Variants in CHRM3 observed in about 807,000 individuals in gnomAD.
CHRM3 encodes muscarinic acetylcholine receptor M3.
In CHRM3, 11 loss-of-function variants were observed where a neutral mutation model predicts 41.8. The ratio of observed to expected loss-of-function variants is 0.26; its 90% CI spans 0.17 to 0.44. The LOEUF (loss-of-function observed/expected upper bound fraction) is 0.44. Ranked by LOEUF, CHRM3 falls within the 20% of genes least tolerant of loss-of-function variation. The pLI is 1.00. For missense variants in CHRM3, 571 were observed against 745.4 expected (o/e 0.77, Z 2.72); for synonymous variants, 297 against 301.4 (o/e 0.99, Z 0.15).
At chr1:239,633,657 A>C (rs924255727) in intron 4 of CHRM3, among the ~76,000 whole-genome samples, 2 of 152,040 alleles carry the variant, frequency 1.3e-5, no homozygotes, top group Non-Finnish European at 2.9e-5. Flanking sequence ...TCAAGAGGAG[A>C]TTCCTCTTAG....
intron 5 of CHRM3, among the ~76,000 whole-genome samples, chr1:239,708,568 C>T (rs1215181233): frequency 6.6e-6 from 1 of 152,026 alleles, no homozygotes; most frequent in Non-Finnish European, 1.5e-5. Context: ...AACCCCGCAT[C>T]TCCTTTATTT....
At chr1:239,515,813 C>A (rs1056849476) in intron 2 of CHRM3, among the ~76,000 whole-genome samples, 1 of 152,078 alleles carries the variant, frequency 6.6e-6, no homozygotes, top group African/African-American at 2.4e-5. Flanking sequence ...AAATAAACTA[C>A]CCTTAGTTAA....
At chr1:239,438,309 T>TAC (rs562039050) in intron 1 of CHRM3, among the ~76,000 whole-genome samples, 2 of 152,096 alleles carry the variant, frequency 1.3e-5, no homozygotes, top group African/African-American at 4.8e-5. Flanking sequence ...TTTTTTTTCA[T>TAC]ACACACACAC....
chr1:239,828,088 A>T (rs1672599720), intron 6 of CHRM3, among the ~76,000 whole-genome samples: 1 of 152,214 alleles, frequency 6.6e-6, no homozygotes, highest in East Asian at 1.9e-4. Flanking sequence ...AAACACAGCT[A>T]CTGCTCCCTT....
intron 6 of CHRM3, among the ~76,000 whole-genome samples, chr1:239,851,349 T>G (rs1012877229): frequency 6.6e-6 from 1 of 152,236 alleles, no homozygotes; most frequent in Non-Finnish European, 1.5e-5. Flanking sequence ...TTTCTTTTTA[T>G]TCAGGGAGAA....
intron 1 of CHRM3, among the ~76,000 whole-genome samples, chr1:239,435,024 T>C (rs1346939965): frequency 6.6e-6 from 1 of 152,206 alleles, no homozygotes; most frequent in Non-Finnish European, 1.5e-5. Flanking sequence ...GATTTCAGTA[T>C]TGTTCCCAGT....
At position 239,832,291 on chromosome 1, in the gene CHRM3, CCA is replaced by C. The variant is rs1182348245; in HGVS notation, c.-20+4916_-20+4917del. Among the ~76,000 whole-genome samples the C allele has an allele frequency of 4.6e-5, 7 of 152,258 alleles. No homozygotes were observed. The East Asian group carries it at 1.2e-3, about 25-fold the overall frequency. ...TCAAGCTGAGAAAAAAAAACAACTG[CCA>C]CAGTGTGCAGAAAGCAAACTGGAGT... On this transcript the variant is annotated intron_variant, in intron 6 of 6. Coordinates refer to ENST00000676153, the MANE Select transcript of CHRM3 (RefSeq NM_001375978.1).
chr1:239,647,493 TTTC>T (rs1299996279), intron 4 of CHRM3, among the ~76,000 whole-genome samples: 1 of 152,200 alleles, frequency 6.6e-6, no homozygotes, highest in East Asian at 1.9e-4. Context: ...TTGTTTTGCT[TTTC>T]TTCTTTTATC....
At chr1:239,768,503 G>GCAGGGC (rs56930927) in intron 5 of CHRM3, among the ~76,000 whole-genome samples, 113,657 of 152,012 alleles carry the variant, frequency 0.75, 42,973 homozygotes, top group African/African-American at 0.81. Flanking sequence ...TAAACATGGT[G>GCAGGGC]AAAATTAAAT....
At chr1:239,473,803 C>G (rs992515748) in intron 1 of CHRM3, among the ~76,000 whole-genome samples, 2 of 151,732 alleles carry the variant, frequency 1.3e-5, no homozygotes, top group Non-Finnish European at 2.9e-5. Context: ...TATACCAGTT[C>G]TGCACTGTTA....
At chr1:239,497,522 T>C (rs1667963140) in intron 2 of CHRM3, among the ~76,000 whole-genome samples, 1 of 152,210 alleles carries the variant, frequency 6.6e-6, no homozygotes, top group Non-Finnish European at 1.5e-5. Flanking sequence ...GATCATACTA[T>C]CTGTTCCAAG....
chr1:239,730,676 C>A (rs188765186), intron 5 of CHRM3, among the ~76,000 whole-genome samples: 1 of 152,042 alleles, frequency 6.6e-6, no homozygotes, highest in Non-Finnish European at 1.5e-5. Flanking sequence ...GAACCATGGA[C>A]GCTGAGTCTG....
intron 1 of CHRM3, among the ~76,000 whole-genome samples, chr1:239,460,542 A>T (rs1157870056): frequency 6.6e-6 from 1 of 151,876 alleles, no homozygotes; most frequent in Non-Finnish European, 1.5e-5. Flanking sequence ...TATATTATTC[A>T]TCCTTGTATC....
At chr1:239,814,903 G>A (rs1448300964) in intron 5 of CHRM3, among the ~76,000 whole-genome samples, 2 of 152,014 alleles carry the variant, frequency 1.3e-5, no homozygotes, top group Admixed American at 6.6e-5. Context: ...GCCCAGACAC[G>A]TAGCTGGGAT....
chr1:239,666,637 C>A (rs1298474156), intron 4 of CHRM3, among the ~76,000 whole-genome samples: 1 of 152,128 alleles, frequency 6.6e-6, no homozygotes, highest in Non-Finnish European at 1.5e-5. Context: ...TGAGTCTGAG[C>A]TCTCTGCCCC....
At chr1:239,669,139 ACC>A (rs1674109603) in intron 4 of CHRM3, among the ~76,000 whole-genome samples, 1 of 152,100 alleles carries the variant, frequency 6.6e-6, no homozygotes, top group African/African-American at 2.4e-5. Flanking sequence ...CTGGACACAA[ACC>A]CTACTCACAT....
chr1:239,725,247 A>G (rs1337186823), intron 5 of CHRM3, among the ~76,000 whole-genome samples: 1 of 151,932 alleles, frequency 6.6e-6, no homozygotes, highest in East Asian at 1.9e-4. Flanking sequence ...TTCTACCATT[A>G]GAAGGGTTAA....
intron 6 of CHRM3, among the ~76,000 whole-genome samples, chr1:239,888,938 C>T (rs1052229728): frequency 1.5e-4 from 23 of 152,168 alleles, no homozygotes; most frequent in Admixed American, 1.0e-3. Context: ...CAACCAAGTA[C>T]GTTGTCATCT....
At chr1:239,393,450 T>C (rs1454586001) in intron 1 of CHRM3, among the ~76,000 whole-genome samples, 1 of 152,190 alleles carries the variant, frequency 6.6e-6, no homozygotes, top group African/African-American at 2.4e-5. Context: ...CCGTGTTTCC[T>C]GTGCTTTCTC....
Sources: allele counts gnomAD v4.1 joint callset (sites outside exome capture counted in the v4.1 genomes callset), GRCh38; gene constraint gnomAD v4.1.1; transcripts MANE v1.5; gene names NCBI Gene and HGNC (gene_info 2026-07-23, HGNC 2026-07-21).